Variants in RAB33A observed in about 807,000 individuals in gnomAD.
The protein encoded by RAB33A is RAB33A, member RAS oncogene family, also known as ras-related protein Rab-33A.
Under a neutral mutation model 12.0 loss-of-function variants are expected in RAB33A, and 6 were observed. The ratio of observed to expected loss-of-function variants is 0.50; its 90% confidence interval spans 0.27 to 0.99. The LOEUF (loss-of-function observed/expected upper bound fraction) is 0.99. Among genes scored for constraint, RAB33A ranks in the 50% least tolerant of loss-of-function variants. The pLI is 0.11. For missense variants in RAB33A, 109 were observed against 192.0 expected (o/e 0.57, Z 2.55); for synonymous variants, 70 against 82.4 (o/e 0.85, Z 0.81).
chrX:130,136,576 G>A, the RAB33A span: 10 of 979,475 alleles, frequency 1.0e-5, no homozygotes, highest in African/African-American at 1.7e-4. Flanking sequence ...AAATGAAGGA[G>A]TAAAAATGAG....
chrX:130,114,296 C>G, the RAB33A span, among the ~76,000 whole-genome samples: 4 of 112,062 alleles, frequency 3.6e-5, no homozygotes, highest in African/African-American at 1.3e-4. Flanking sequence ...GAACTAACCA[C>G]AGCCCCATGA....
chrX:130,136,434 A>G, the RAB33A span, among the ~76,000 whole-genome samples: 2 of 112,289 alleles, frequency 1.8e-5, no homozygotes, highest in African/African-American at 6.5e-5. Context: ...GACAGATAGA[A>G]TGGGGCTAAG....
At chrX:130,138,559 A>G in the RAB33A span, 2 of 1,018,268 alleles carry the variant, frequency 2.0e-6, no homozygotes, top group Non-Finnish European at 2.8e-6. Context: ...ATAAGACTAG[A>G]GAAAGAAAAT....
the RAB33A span, among the ~76,000 whole-genome samples, chrX:130,160,726 A>G: frequency 1.8e-5 from 2 of 110,890 alleles, no homozygotes; most frequent in African/African-American, 6.6e-5. Flanking sequence ...ATAACTGAAC[A>G]TTTTAAATAA....
chrX:130,120,175 G>T, the RAB33A span, among the ~76,000 whole-genome samples: 1 of 112,265 alleles, frequency 8.9e-6, no homozygotes, highest in African/African-American at 3.2e-5. Flanking sequence ...TGAAGACAGA[G>T]GTTGCAAGTT....
chrX:130,159,870 GAGTGC>G, the RAB33A span, among the ~76,000 whole-genome samples: 1 of 108,298 alleles, frequency 9.2e-6, no homozygotes, highest in Non-Finnish European at 1.9e-5. Context: ...CCCCAAGCTG[GAGTGC>G]AGTGGCACAA....
the RAB33A span, chrX:130,137,534 G>A: frequency 8.6e-7 from 1 of 1,164,998 alleles, no homozygotes; most frequent in Admixed American, 2.6e-5. Context: ...ATCTGAAAAA[G>A]AACATTAAGA....
chrX:130,176,073 G>A (rs1374822025), intron 1 of RAB33A, among the ~76,000 whole-genome samples: 1 of 111,314 alleles, frequency 9.0e-6, no homozygotes, highest in Non-Finnish European at 1.9e-5. Flanking sequence ...GGCCACCTAT[G>A]ACAAGAATCC....
At chrX:130,173,580 T>C (rs182404606) in intron 1 of RAB33A, among the ~76,000 whole-genome samples, 1 of 112,080 alleles carries the variant, frequency 8.9e-6, no homozygotes, top group East Asian at 2.8e-4. Flanking sequence ...GCCAACTCAC[T>C]AGATGTCAGG....
intron 1 of RAB33A, among the ~76,000 whole-genome samples, chrX:130,182,950 G>T (rs1170752657): frequency 9.1e-6 from 1 of 109,519 alleles, no homozygotes; most frequent in Non-Finnish European, 1.9e-5. Context: ...TGTTGCCCAG[G>T]CTGAAGTGCA....
chrX:130,147,601 G>A, the RAB33A span: 1 of 1,212,028 alleles, frequency 8.3e-7, no homozygotes, highest in Non-Finnish European at 1.1e-6. Flanking sequence ...CGGCAGCTCA[G>A]GATCTTCAGA....
the RAB33A span, chrX:130,156,373 G>C: frequency 8.7e-7 from 1 of 1,150,737 alleles, no homozygotes; most frequent in South Asian, 1.8e-5. Context: ...AGGGGAATTA[G>C]TTGCAAAAGT....
the RAB33A span, among the ~76,000 whole-genome samples, chrX:130,114,228 G>A: frequency 3.6e-5 from 4 of 112,047 alleles, no homozygotes; most frequent in African/African-American, 1.3e-4. Context: ...GCCTGCCAGC[G>A]CCCTGCAGCC....
the RAB33A span, among the ~76,000 whole-genome samples, chrX:130,127,707 T>TTTTTTTG: frequency 1.0e-5 from 1 of 98,639 alleles, no homozygotes; most frequent in Non-Finnish European, 2.0e-5. Context: ...TTTTTTTTTT[T>TTTTTTTG]GAGATGGAAT....
At chrX:130,162,661 G>A in the RAB33A span, among the ~76,000 whole-genome samples, 1 of 112,081 alleles carries the variant, frequency 8.9e-6, no homozygotes, top group African/African-American at 3.2e-5. Context: ...TGTCCAGGAA[G>A]CCAGGATCCT....
At chrX:130,149,201 C>A in the RAB33A span, among the ~76,000 whole-genome samples, 1 of 111,474 alleles carries the variant, frequency 9.0e-6, no homozygotes, top group South Asian at 3.8e-4. Context: ...GGATGACAGG[C>A]GTGAGCCACC....
At chrX:130,160,390 C>T in the RAB33A span, among the ~76,000 whole-genome samples, 1 of 111,970 alleles carries the variant, frequency 8.9e-6, no homozygotes, top group Non-Finnish European at 1.9e-5. Context: ...TTTAGGTTTT[C>T]TGCAGTCAGA....
chrX:130,157,343 T>C, the RAB33A span, among the ~76,000 whole-genome samples: 195 of 112,343 alleles, frequency 1.7e-3, 1 homozygote, highest in African/African-American at 6.1e-3. Context: ...AAGAGTTCTG[T>C]AGATTTCTTT....
the RAB33A span, chrX:130,165,560 G>C: frequency 8.4e-7 from 1 of 1,193,357 alleles, no homozygotes; most frequent in Non-Finnish European, 1.1e-6. Context: ...CCTGGGAGCC[G>C]GTTCCTCTGC....
Sources: allele counts gnomAD v4.1 joint callset (sites outside exome capture counted in the v4.1 genomes callset), GRCh38; gene constraint gnomAD v4.1.1; transcripts MANE v1.5; gene names NCBI Gene and HGNC (gene_info 2026-07-23, HGNC 2026-07-21).